Variants in NLRP12 observed in about 807,000 individuals in gnomAD.
NLRP12 encodes the protein NLR family pyrin domain containing 12.
Under a neutral mutation model 91.2 loss-of-function variants are expected in NLRP12, and 108 were observed. That is an observed-to-expected ratio of 1.18 (90% CI 1.01 to 1.39). The LOEUF (loss-of-function observed/expected upper bound fraction) is 1.39, where lower values mean the gene tolerates loss of function less well. NLRP12 is among the 40% of genes most tolerant of loss of function. The pLI is 0.00. For missense variants in NLRP12, 1,530 were observed against 1,352.7 expected, an observed-to-expected ratio of 1.13 and a Z score of -2.06; for synonymous variants, 613 against 566.7, an observed-to-expected ratio of 1.08 and a Z score of -1.16.
At chr19:53,822,736 TAAA>T (rs35709423) in intron 1 of NLRP12, among the ~76,000 whole-genome samples, 1 of 120,560 alleles carries the variant, frequency 8.3e-6, no homozygotes. Flanking sequence ...GACTCAGTCT[TAAA>T]AAAAAAAAAA....
intron 6 of NLRP12, among the ~76,000 whole-genome samples, chr19:53,802,844 G>A (rs2091897377): frequency 6.6e-6 from 1 of 152,170 alleles, no homozygotes; most frequent in Non-Finnish European, 1.5e-5. Context: ...CTTGATCACA[G>A]CTCACTGCAG....
rs773893850 is a variant in NLRP12 at position 53,801,241 on chromosome 19, C to T, written c.2742G>A (p.Lys914=). Residue 914 remains lysine, a synonymous_variant, in exon 7 of 10, where the codon AAG becomes AAA. Coordinates refer to ENST00000324134, the MANE Select transcript of NLRP12 (RefSeq NM_144687.4). ...LCEGLRHPTC[K]LQTLRLGICR... Reference sequence around the variant, plus strand: ...ACGGGACTCACCGCAGGGTCTGGAGCTTGCACGTGGGATGCCTGAGGCCCT... The same window carrying T: ...ACGGGACTCACCGCAGGGTCTGGAGTTTGCACGTGGGATGCCTGAGGCCCT... 4 of 1,613,928 alleles carry T rather than the reference C, an allele frequency of 2.5e-6. No individual in the cohort carries two copies. The South Asian group carries it at 4.4e-5, about 18-fold the overall frequency.
intron 6 of NLRP12, 165 bp downstream of exon 6, chr19:53,803,787 T>C: frequency 1.5e-6 from 1 of 681,634 alleles, no homozygotes; most frequent in Non-Finnish European, 2.6e-6. Context: ...TTGGCCAGGC[T>C]GGTCTCGAAC....
At chr19:53,811,379 A>G (rs2092074012) in intron 2 of NLRP12, 91 bp from the exon 3 acceptor site, 1 of 1,443,364 alleles carries the variant, frequency 6.9e-7, no homozygotes, top group Non-Finnish European at 9.7e-7. Flanking sequence ...GGCTCAAAGA[A>G]GGTGTGTGCC....
At position 53,810,999 on chromosome 19, in the gene NLRP12, C is replaced by T. The variant is rs751381187; in HGVS notation, c.660G>A (p.Gly220=). The T allele has an allele frequency of 1.2e-5, 19 of 1,613,902 alleles. No homozygotes were observed. The African/African-American group carries it at 2.1e-4, about 18-fold the overall frequency. Residue 220 remains glycine, a synonymous_variant, in exon 3 of 10, where the codon GGG becomes GGA. Transcript: ENST00000324134. The stretch of plus-strand genomic sequence containing the variant: ...TGTGTGCCAGCATGGACTTGCCTAT[C>T]CCTGCCGCGCCTTGCATGACCACGG... ...PRTVVMQGAA[G]IGKSMLAHKV...
chr19:53,796,985 TAAAA>T (rs951395965), intron 8 of NLRP12, among the ~76,000 whole-genome samples: 2 of 141,884 alleles, frequency 1.4e-5, no homozygotes, highest in Admixed American at 1.4e-4. Context: ...GACCCTGTTT[TAAAA>T]AAAAAAAAAA....
At chr19:53,794,633 T>A (rs886442005) in intron 9 of NLRP12, among the ~76,000 whole-genome samples, 13 of 146,748 alleles carry the variant, frequency 8.9e-5, no homozygotes, top group Non-Finnish European at 1.3e-4. Flanking sequence ...TCATAATTTA[T>A]CATAGCCTTA....
In NLRP12 at chr19:53,819,451, A is replaced by ATGTGTGTG. The variant is rs1463710304; in HGVS notation, c.289+4434_289+4435insCACACACA. 1.2e-3 allele frequency among the ~76,000 whole-genome samples: 13 copies of ATGTGTGTG among 10,724 alleles called. 1 individual carries two copies. Among genetic ancestry groups the ATGTGTGTG allele is most frequent in the Non-Finnish European group, 2.0e-3 (9 of 4,496 alleles). 7.0% of individuals were successfully genotyped at this position (10,724 alleles called of 152,430 possible). Reference sequence around the variant, plus strand: ...TATATATATATATATATATATATATATATATATGTGTGTGTGTGTGTGTGT... The same window carrying ATGTGTGTG: ...TATATATATATATATATATATATATATGTGTGTGTATATATGTGTGTGTGTGTGTGTGT... On this transcript the variant is annotated intron_variant, in intron 1 of 9. Coordinates refer to ENST00000324134, the MANE Select transcript of NLRP12 (RefSeq NM_144687.4).
chr19:53,813,299 C>CT (rs1160039078), intron 2 of NLRP12, among the ~76,000 whole-genome samples: 5,982 of 85,974 alleles, frequency 0.07, 763 homozygotes, highest in African/African-American at 0.17. Flanking sequence ...TTTTTCTTTT[C>CT]TTTTTTTTTT....
At chr19:53,818,155 C>T (rs1412733342) in intron 1 of NLRP12, among the ~76,000 whole-genome samples, 1 of 150,866 alleles carries the variant, frequency 6.6e-6, no homozygotes, top group East Asian at 1.9e-4. Context: ...ATGATCTTGG[C>T]TCACTGCAGC....
chr19:53,817,010 GC>G (rs869140482), intron 1 of NLRP12, among the ~76,000 whole-genome samples: 17 of 1,156 alleles, frequency 0.015, no homozygotes, highest in Non-Finnish European at 0.025. Flanking sequence ...GGTTAAGAGG[GC>G]CAGGGCGCGG....
intron 8 of NLRP12, among the ~76,000 whole-genome samples, chr19:53,796,735 G>A (rs974128492): frequency 6.6e-6 from 1 of 151,500 alleles, no homozygotes; most frequent in African/African-American, 2.4e-5. Flanking sequence ...GGTGGCTCAC[G>A]CCTGTAATTC....
At position 53,798,250 on chromosome 19, in the gene NLRP12, T is replaced by C. The variant is rs915851851; in HGVS notation, c.2920A>G (p.Lys974Glu). The C allele has an allele frequency of 1.9e-6, 3 of 1,614,054 alleles. No individual in the cohort carries two copies. The highest frequency in any genetic ancestry group is 1.3e-5 in the African/African-American group (1 of 74,926). ...TCACTCCCCGATGCTCACCACAGTT[T>C]CTGGAGTCTGCAGGCGGGATGTTGC... Reference protein sequence around the residue: ...GLQHPACRLQKLWLDSCGLTA... With the variant: ...GLQHPACRLQELWLDSCGLTA... The change falls in exon 8 of 10, where the codon AAA becomes GAA. Residue 974 changes from lysine to glutamate, a missense_variant. Physicochemically the swap from Lys to Glu is moderately conservative, Grantham distance 56. Coordinates refer to ENST00000324134, the MANE Select transcript of NLRP12 (RefSeq NM_144687.4).
chr19:53,799,385 A>C (rs2091829299), intron 7 of NLRP12, among the ~76,000 whole-genome samples: 1 of 151,904 alleles, frequency 6.6e-6, no homozygotes, highest in Non-Finnish European at 1.5e-5. Context: ...TTTTTTGAGC[A>C]CTTCTACCCA....
chr19:53,814,970 G>T lies in NLRP12; in HGVS notation c.308C>A (p.Pro103Gln). The T allele has an allele frequency of 6.2e-7, 1 of 1,613,846 alleles. No homozygotes were observed. The highest frequency in any genetic ancestry group is 1.3e-5 in the African/African-American group (1 of 75,020). Residue 103 changes from proline to glutamine, a missense_variant, in exon 2 of 10, where the codon CCG (proline) becomes CAG (glutamine). Physicochemically the swap from Pro to Gln is moderately conservative, Grantham distance 76 (BLOSUM62 -1). Transcript: ENST00000324134. ...DLVRDTPPGG[P>Q]SSLGNQSTCL... ...TGTTGACTGGTTCCCAAGTGAGGAC[G>T]GGCCACCAGGTGGGGTATCTGGAAG... is the stretch of plus-strand genomic sequence containing the variant.
In NLRP12 at chr19:53,809,907, C is replaced by G. The variant is rs769227978; in HGVS notation, c.1752G>C (p.Ser584=). The G allele has an allele frequency of 1.4e-5, 22 of 1,613,864 alleles. No homozygotes were observed. The highest frequency in any genetic ancestry group is 1.7e-5 in the Non-Finnish European group (20 of 1,180,042). Residue 584 remains serine (S), a synonymous_variant, in exon 3 of 10, where the codon TCG becomes TCC. Coordinates refer to ENST00000324134, the MANE Select transcript of NLRP12 (RefSeq NM_144687.4). ...HLEKSLCWKV[S]PHIKMDLLQW... is the part of the protein sequence containing the mutation. ...GCAACAGGTCCATCTTGATGTGCGG[C>G]GAGACCTTCCAGCAGAGACTCTTCT...
intron 5 of NLRP12, among the ~76,000 whole-genome samples, chr19:53,804,473 A>AC (rs1272854049): frequency 7.3e-6 from 1 of 136,856 alleles, no homozygotes; most frequent in African/African-American, 2.7e-5. Flanking sequence ...ATCTTGCCTC[A>AC]CCGCAACCTC....
At chr19:53,796,494 G>T (rs1421837328) in intron 8 of NLRP12, among the ~76,000 whole-genome samples, 1 of 151,786 alleles carries the variant, frequency 6.6e-6, no homozygotes, top group Non-Finnish European at 1.5e-5. Flanking sequence ...TGATCCGCCC[G>T]CCTCAGCCTC....
Position 53,810,665 on chromosome 19 carries a change from G to C in NLRP12, c.994C>G (p.Leu332Val). Residue 332 changes from leucine to valine, a missense_variant, in exon 3 of 10, where the codon CTG (leucine) becomes GTG (valine). Leu to Val is a conservative substitution (Grantham distance 32). Coordinates refer to ENST00000324134, the MANE Select transcript of NLRP12 (RefSeq NM_144687.4). ...ATGAGCAAAGATAGCTCAGGGAGCA[G>C]CTTCTTCCGAATTAAGCTGTTAAGA... ...LLLNSLIRKK[L>V]LPELSLLITT... The C allele has an allele frequency of 6.2e-7, 1 of 1,613,960 alleles. No homozygotes were observed. Among genetic ancestry groups the C allele is most frequent in the Non-Finnish European group, 8.5e-7 (1 of 1,179,916 alleles).
Sources: gnomAD v4.1 joint callset for allele counts (sites outside exome capture counted in the v4.1 genomes callset) on GRCh38, gnomAD v4.1.1 for gene constraint, MANE v1.5 for transcripts, NCBI Gene and HGNC (gene_info 2026-07-23, HGNC 2026-07-21) for gene names.